The following MON2 variants were observed in gnomAD, a reference collection of about 807,000 sequenced individuals.
MON2 encodes the protein protein MON2 homolog.
MON2 carries 84 observed loss-of-function variants against 208.6 expected under a neutral mutation model. The ratio of observed to expected loss-of-function variants is 0.40; its 90% CI spans 0.34 to 0.48. The LOEUF (loss-of-function observed/expected upper bound fraction) is 0.48, where lower values mean the gene tolerates loss of function less well. MON2 is among the 20% of genes least tolerant of loss of function. The pLI, the probability that MON2 is intolerant of heterozygous loss-of-function variation, is 0.59. For missense variants in MON2, 1,611 were observed against 2,015.4 expected (o/e 0.80, Z 3.84); for synonymous variants, 660 against 694.0 (o/e 0.95, Z 0.77).
chr12:62,564,406 G>A (rs2074301567), intron 26 of MON2, among the ~76,000 whole-genome samples: 1 of 151,626 alleles, frequency 6.6e-6, no homozygotes, highest in African/African-American at 2.4e-5. Flanking sequence ...GTATATTTTA[G>A]ACACTTCATA....
In MON2 at chr12:62,494,345, G is replaced by A. The variant is rs564764720; in HGVS notation, c.303+303G>A. On this transcript the variant is annotated intron_variant, in intron 3 of 34. Transcript: ENST00000393630. ...AATTTTTCTTTTATAAAAAGAGGAG[G>A]GAAGAGCGTGACTCTCTTTCCTAGA... Among the ~76,000 whole-genome samples, 11 of 152,102 alleles carry A rather than the reference G, an allele frequency of 7.2e-5. No individual in the cohort carries two copies. The South Asian group carries it at 2.1e-3, about 29-fold the overall frequency.
chr12:62,509,296 G>C (rs2071272430), intron 8 of MON2, among the ~76,000 whole-genome samples: 2 of 151,906 alleles, frequency 1.3e-5, no homozygotes, highest in African/African-American at 4.8e-5. Flanking sequence ...TGTATTTTTA[G>C]TAGAGATGGG....
At chr12:62,491,625 G>A (rs1034518898) in intron 2 of MON2, among the ~76,000 whole-genome samples, 1 of 152,130 alleles carries the variant, frequency 6.6e-6, no homozygotes, top group African/African-American at 2.4e-5. Context: ...ATTGTAGGAA[G>A]AATAGTGAAC....
At chr12:62,533,798 G>A (rs879896060) in intron 12 of MON2, among the ~76,000 whole-genome samples, 5 of 152,224 alleles carry the variant, frequency 3.3e-5, no homozygotes, top group East Asian at 3.9e-4. Flanking sequence ...ACAAGCACAC[G>A]TCTCTGTACA....
intron 1 of MON2, among the ~76,000 whole-genome samples, chr12:62,471,164 A>G (rs1249967763): frequency 6.6e-6 from 1 of 152,036 alleles, no homozygotes; most frequent in African/African-American, 2.4e-5. Context: ...AGAGGAGGAA[A>G]TGTTTTGGGG....
chr12:62,534,651 C>T (rs576744158), intron 12 of MON2, among the ~76,000 whole-genome samples, 194 bp from the exon 13 acceptor site: 2 of 144,036 alleles, frequency 1.4e-5, no homozygotes, highest in Admixed American at 7.1e-5. Flanking sequence ...AAGACTTCTT[C>T]AAGCCTGAAA....
Position 62,565,322 on chromosome 12 carries a change from A to G in MON2, c.4118A>G (p.Lys1373Arg). Residue 1373 changes from lysine to arginine, a missense_variant, in exon 27 of 35, where the codon AAA becomes AGA. Transcript: ENST00000393630. Reference protein sequence around the residue: ...QLLAFVEFSCKPPQYGQLETK... With the variant: ...QLLAFVEFSCRPPQYGQLETK... Reference sequence around the variant, plus strand: ...TTGGCATTTGTAGAATTTTCCTGTAAACCTCCACAGTATGGACAGCTGGAA... The same window carrying G: ...TTGGCATTTGTAGAATTTTCCTGTAGACCTCCACAGTATGGACAGCTGGAA... 1 of 1,613,024 alleles carries G rather than the reference A, an allele frequency of 6.2e-7. No individual in the cohort carries two copies. Among genetic ancestry groups the G allele is most frequent in the Non-Finnish European group, 8.5e-7 (1 of 1,179,248 alleles).
chr12:62,517,330 A>G (rs1227839764), intron 8 of MON2, among the ~76,000 whole-genome samples: 1 of 152,178 alleles, frequency 6.6e-6, no homozygotes, highest in Non-Finnish European at 1.5e-5. Context: ...AACAAATGCA[A>G]AATTCACATT....
intron 34 of MON2, among the ~76,000 whole-genome samples, chr12:62,592,184 A>G (rs540718063): frequency 4.6e-5 from 7 of 152,338 alleles, no homozygotes; most frequent in African/African-American, 1.2e-4. Context: ...TTGTATTTCA[A>G]AAGATTTCTA....
rs1303435407 is a variant in MON2 at position 62,598,720 on chromosome 12, T to C, written c.*5971T>C. 1 of 152,224 alleles carries C rather than the reference T, an allele frequency of 6.6e-6. No homozygotes were observed. Among genetic ancestry groups the C allele is most frequent in the Non-Finnish European group, 1.5e-5 (1 of 68,034 alleles). 9.4% of individuals were successfully genotyped at this position (152,224 alleles called of 1,614,324 possible). A position where few individuals can be genotyped will look rare whatever the true frequency, so the allele number is the denominator to read the frequency against. On this transcript the variant is annotated 3_prime_UTR_variant, in exon 35 of 35. Coordinates refer to ENST00000393630, the MANE Select transcript of MON2 (RefSeq NM_015026.3). ...TTACTCTTTCTCCTTACAATTTTTA[T>C]GTTGTTGAGATGTATCAGTTATGTA...
chr12:62,588,029 C>A, intron 33 of MON2, 45 bp from the exon 34 acceptor site: 1 of 1,301,388 alleles, frequency 7.7e-7, no homozygotes. Flanking sequence ...ACATACCTGG[C>A]AACTTTAAAA....
At chr12:62,583,395 AG>A (rs34394452) in intron 32 of MON2, among the ~76,000 whole-genome samples, 57,721 of 151,814 alleles carry the variant, frequency 0.38, 11,303 homozygotes, top group African/African-American at 0.47. Flanking sequence ...GTTCAGTGAA[AG>A]GTAGAAAGGA....
chr12:62,557,954 ATATATATATTTTTTTT>A (rs2074048962), intron 25 of MON2, among the ~76,000 whole-genome samples: 1 of 26,422 alleles, frequency 3.8e-5, no homozygotes, highest in Non-Finnish European at 5.9e-5. Flanking sequence ...ATATATATAT[ATATATATATTTTTTTT>A]TTTTTTTTTT....
intron 33 of MON2, 52 bp downstream of exon 33, chr12:62,585,553 G>A: frequency 1.5e-6 from 2 of 1,377,628 alleles, no homozygotes; most frequent in South Asian, 1.4e-5. Flanking sequence ...ACTAATTGTT[G>A]ATAACAAGGA....
chr12:62,516,244 G>C (rs2071683142), intron 8 of MON2, among the ~76,000 whole-genome samples: 1 of 152,122 alleles, frequency 6.6e-6, no homozygotes, highest in South Asian at 2.1e-4. Context: ...AATGGAGAGA[G>C]AGAATAGAAT....
At chr12:62,575,781 A>C (rs2074753127) in intron 30 of MON2, among the ~76,000 whole-genome samples, 1 of 152,202 alleles carries the variant, frequency 6.6e-6, no homozygotes, top group Non-Finnish European at 1.5e-5. Context: ...GAAAAAGACA[A>C]AGTTGAAAAA....
At chr12:62,540,259 G>A (rs77866175) in intron 19 of MON2, among the ~76,000 whole-genome samples, 2,358 of 152,196 alleles carry the variant, frequency 0.015, 111 homozygotes, top group Admixed American at 0.099. Flanking sequence ...GAGTATATAA[G>A]CTACTTGGTT....
rs1237171211 is a variant in MON2, at chr12:62,593,764, TA to T, written c.*1019del. 4 of 152,240 alleles carry T rather than the reference TA, an allele frequency of 2.6e-5. No individual in the cohort carries two copies. The highest frequency in any genetic ancestry group is 5.9e-5 in the Non-Finnish European group (4 of 68,008). 9.4% of individuals were successfully genotyped at this position (152,240 alleles called of 1,614,324 possible). A position where few individuals can be genotyped will look rare whatever the true frequency, so the allele number is the denominator to read the frequency against. On this transcript the variant is annotated 3_prime_UTR_variant, in exon 35 of 35. Coordinates refer to ENST00000393630, the MANE Select transcript of MON2 (RefSeq NM_015026.3). ...CCAGGCAAGATGATTTCAGATTTTCTAAAATCTTGCCTGTGAGGTTTTGTTC... is the reference window on the plus strand; with the variant it reads ...CCAGGCAAGATGATTTCAGATTTTCTAAATCTTGCCTGTGAGGTTTTGTTC...
rs537386264 is a variant in MON2, at chr12:62,598,727, G to C, written c.*5978G>C. The C allele has an allele frequency of 6.6e-6, 1 of 152,242 alleles. No homozygotes were observed. The highest frequency in any genetic ancestry group is 1.9e-4 in the East Asian group (1 of 5,188). The allele number at this position is 152,242 out of a possible 1,614,324, so 9.4% of individuals were successfully genotyped here. On this transcript the variant is annotated 3_prime_UTR_variant, in exon 35 of 35. Transcript: ENST00000393630. Reference sequence around the variant, plus strand: ...TTCTCCTTACAATTTTTATGTTGTTGAGATGTATCAGTTATGTATTATAAT... The same window carrying C: ...TTCTCCTTACAATTTTTATGTTGTTCAGATGTATCAGTTATGTATTATAAT...
Sources: gnomAD v4.1 joint callset for allele counts (sites outside exome capture counted in the v4.1 genomes callset) on GRCh38, gnomAD v4.1.1 for gene constraint, MANE v1.5 for transcripts, NCBI Gene and HGNC (gene_info 2026-07-23, HGNC 2026-07-21) for gene names.